Variants in LRRC63 observed in about 807,000 individuals in gnomAD.
LRRC63 encodes leucine-rich repeat-containing protein 63.
LRRC63 carries 40 observed loss-of-function variants against 49.5 expected under a neutral mutation model. The ratio of observed to expected loss-of-function variants is 0.81; its 90% CI spans 0.63 to 1.05. The LOEUF (loss-of-function observed/expected upper bound fraction) is 1.05. Among genes scored for constraint, LRRC63 ranks in the 50% least tolerant of loss-of-function variants. The pLI, the probability that LRRC63 is intolerant of heterozygous loss-of-function variation, is 0.00. For missense variants in LRRC63, 636 were observed against 663.1 expected (o/e 0.96, Z 0.45); for synonymous variants, 191 against 221.1 (o/e 0.86, Z 1.21).
chr13:46,238,343 C>G (rs1051497740), intron 5 of LRRC63, among the ~76,000 whole-genome samples: 1 of 152,112 alleles, frequency 6.6e-6, no homozygotes, highest in African/African-American at 2.4e-5. Context: ...CTTCCCATTT[C>G]CACATGACAC....
At chr13:46,228,961 A>T (rs1331660245) in intron 4 of LRRC63, among the ~76,000 whole-genome samples, 2 of 152,216 alleles carry the variant, frequency 1.3e-5, no homozygotes, top group African/African-American at 4.8e-5. Flanking sequence ...ATGCACTCGT[A>T]ATCTGGGTGG....
At position 46,250,401 on chromosome 13, in the gene LRRC63, C is replaced by G. The variant is rs201404436; in HGVS notation, c.1136C>G (p.Pro379Arg). Residue 379 changes from proline (P) to arginine (R), a missense_variant, in exon 7 of 10, where the codon CCT becomes CGT. By Grantham distance (103) the Pro-to-Arg change is moderately radical. Coordinates refer to ENST00000595396, the Ensembl canonical transcript of LRRC63. ...CAAATACTGAAATTGAGAAATAATC[C>G]TATCAAAGAAATTCCTTCTGAAATT... 3.7e-5 allele frequency: 56 copies of G among 1,524,600 alleles called. No homozygotes were observed. The Admixed American group carries it at 4.6e-4, about 12-fold the overall frequency. The allele number at this position is 1,524,600 out of a possible 1,614,324, so 94.4% of individuals were successfully genotyped here.
exon 3 of LRRC63, chr13:46,227,992 A>G (rs2046628104): frequency 6.4e-7 from 1 of 1,550,994 alleles, no homozygotes; most frequent in Non-Finnish European, 8.7e-7. Flanking sequence ...GGCTATACTT[A>G]TCAGCACATC....
At chr13:46,246,528 G>A (rs1260439475) in exon 6 of LRRC63, 2 of 1,430,088 alleles carry the variant, frequency 1.4e-6, no homozygotes, top group Non-Finnish European at 1.8e-6. Flanking sequence ...TTCTTTTAGG[G>A]CTTTTTTATC....
chr13:46,276,828 G>GTATATATATATATATATATATATTTATA, exon 10 of LRRC63: 1 of 138,522 alleles, frequency 7.2e-6, no homozygotes, highest in African/African-American at 3.5e-5. Flanking sequence ...GTATGTGTGT[G>GTATATATATATATATATATATATTTATA]TATATATATA....
Position 46,276,233 on chromosome 13 carries a change from CAT to C in LRRC63, c.1551-356_1551-355del, listed in dbSNP as rs889509375. 5.3e-5 allele frequency among the ~76,000 whole-genome samples: 8 copies of C among 151,658 alleles called. No individual in the cohort carries two copies. In the East Asian group the frequency reaches 5.8e-4, roughly 11 times the overall value. Reference sequence around the variant, plus strand: ...ATTTATTTTGTATCATAAAAAATAACATGTTTATTATAAAAAATTAGAAAATA... The same window carrying C: ...ATTTATTTTGTATCATAAAAAATAACGTTTATTATAAAAAATTAGAAAATA... On this transcript the variant is annotated intron_variant, in intron 9 of 9. Coordinates refer to ENST00000595396, the Ensembl canonical transcript of LRRC63.
chr13:46,266,653 A>T, intron 8 of LRRC63, 80 bp from the exon 9 acceptor site: 5 of 1,230,472 alleles, frequency 4.1e-6, no homozygotes, highest in Non-Finnish European at 5.5e-6. Context: ...GCCAATTTTC[A>T]TGAACAATTG....
chr13:46,275,518 T>C (rs1337078086), intron 9 of LRRC63, among the ~76,000 whole-genome samples: 3 of 152,176 alleles, frequency 2.0e-5, no homozygotes, highest in Non-Finnish European at 4.4e-5. Flanking sequence ...CCATTCTCAC[T>C]AGAGTAAGAT....
At chr13:46,224,369 A>G (rs937615963) in intron 2 of LRRC63, among the ~76,000 whole-genome samples, 10 of 151,868 alleles carry the variant, frequency 6.6e-5, no homozygotes, top group African/African-American at 2.4e-4. Flanking sequence ...TATATTTTAT[A>G]TTTTCTTCAA....
rs575875841 is a variant in LRRC63, at chr13:46,265,900, T to A, written c.1311-833T>A. Among the ~76,000 whole-genome samples, 8 of 152,328 alleles carry A rather than the reference T, an allele frequency of 5.3e-5. No homozygotes were observed. In the East Asian group the frequency reaches 1.5e-3, roughly 29 times the overall value. On this transcript the variant is annotated intron_variant, in intron 8 of 9. Coordinates refer to ENST00000595396, the Ensembl canonical transcript of LRRC63. ...GTGCCATCTTCCTAGCCTCATTGTT[T>A]TCAATACCCTTGTTGATCACATTTT...
chr13:46,268,340 C>T (rs578019067), intron 9 of LRRC63, among the ~76,000 whole-genome samples: 1 of 152,248 alleles, frequency 6.6e-6, no homozygotes, highest in East Asian at 1.9e-4. Flanking sequence ...ATTTAACATA[C>T]ACTTGGATAC....
intron 2 of LRRC63, among the ~76,000 whole-genome samples, chr13:46,216,638 A>T (rs1425560215): frequency 6.6e-6 from 1 of 152,164 alleles, no homozygotes; most frequent in Non-Finnish European, 1.5e-5. Flanking sequence ...TTCCAATACC[A>T]GGTTAAATAG....
intron 2 of LRRC63, among the ~76,000 whole-genome samples, chr13:46,222,287 G>T (rs1173015858): frequency 6.6e-6 from 1 of 151,916 alleles, no homozygotes; most frequent in African/African-American, 2.4e-5. Context: ...TGGATAGTTT[G>T]CAAATATTTT....
chr13:46,240,394 T>G (rs2047027548), intron 5 of LRRC63, among the ~76,000 whole-genome samples: 1 of 152,130 alleles, frequency 6.6e-6, no homozygotes, highest in Non-Finnish European at 1.5e-5. Context: ...CCCAAAGTGC[T>G]GGGATTACAG....
At chr13:46,263,350 T>C (rs7329765) in intron 8 of LRRC63, among the ~76,000 whole-genome samples, 4,189 of 152,068 alleles carry the variant, frequency 0.028, 69 homozygotes, top group Middle Eastern at 0.092. Context: ...AATTTTTTTA[T>C]ATTTTGTAGA....
intron 9 of LRRC63, chr13:46,270,756 T>G (rs2047747002): frequency 2.0e-6 from 1 of 488,764 alleles, no homozygotes; most frequent in Admixed American, 3.2e-5. Flanking sequence ...GTGCTTCACT[T>G]ACCTTCGTTT....
At chr13:46,238,842 C>A (rs1397085983) in intron 5 of LRRC63, among the ~76,000 whole-genome samples, 3 of 152,182 alleles carry the variant, frequency 2.0e-5, no homozygotes, top group Non-Finnish European at 2.9e-5. Context: ...TAAAATCACT[C>A]ATACCATACA....
chr13:46,257,924 T>G (rs1226283883), intron 7 of LRRC63, among the ~76,000 whole-genome samples: 13 of 152,150 alleles, frequency 8.5e-5, no homozygotes, highest in Admixed American at 8.5e-4. Flanking sequence ...TATATTTTTT[T>G]TCCCAGATAT....
intron 7 of LRRC63, among the ~76,000 whole-genome samples, chr13:46,257,916 TA>T (rs1312984978): frequency 3.1e-4 from 46 of 149,554 alleles, no homozygotes; most frequent in African/African-American, 8.7e-4. Flanking sequence ...AATATGCATA[TA>T]TTTTTTTTCC....
Sources: allele counts gnomAD v4.1 joint callset (sites outside exome capture counted in the v4.1 genomes callset), GRCh38; gene constraint gnomAD v4.1.1; transcripts MANE v1.5; gene names NCBI Gene and HGNC (gene_info 2026-07-23, HGNC 2026-07-21).